ZNF410: variants seen among roughly 807,000 people sequenced by gnomAD.
ZNF410 encodes another partner for ARF 1.
Under a neutral mutation model 54.8 loss-of-function variants are expected in ZNF410, and 18 were observed. That is an observed-to-expected ratio of 0.33 (90% CI 0.23 to 0.49). The LOEUF (loss-of-function observed/expected upper bound fraction) is 0.49. Among genes scored for constraint, ZNF410 ranks in the 20% least tolerant of loss-of-function variants. ZNF410 has a pLI of 0.99. For synonymous variants in ZNF410, 191 were observed against 207.3 expected, an observed-to-expected ratio of 0.92 and a Z score of 0.68; for missense variants, 405 against 569.6, an observed-to-expected ratio of 0.71 and a Z score of 2.94.
At chr14:73,926,080 T>G (rs1454525897) in intron 11 of ZNF410, among the ~76,000 whole-genome samples, 1 of 152,144 alleles carries the variant, frequency 6.6e-6, no homozygotes, top group East Asian at 1.9e-4. Flanking sequence ...GTTTTATCTC[T>G]TTCCTCCTTT....
intron 11 of ZNF410, chr14:73,924,786 C>T: frequency 2.5e-6 from 1 of 397,410 alleles, no homozygotes. Context: ...AAGCGATTCT[C>T]CTGCCTCAGC....
chr14:73,894,507 C>T (rs138664822), intron 3 of ZNF410: 34,649 of 671,362 alleles, frequency 0.052, 1,260 homozygotes, highest in African/African-American at 0.11. Flanking sequence ...CTGCAACCTC[C>T]GCCTCCCCTC....
intron 11 of ZNF410, chr14:73,924,603 C>G: frequency 2.4e-6 from 1 of 410,546 alleles, no homozygotes; most frequent in South Asian, 1.8e-5. Context: ...AAACTTTTGT[C>G]AAAACCTCTG....
intron 5 of ZNF410, among the ~76,000 whole-genome samples, chr14:73,900,839 T>C (rs1256550454): frequency 6.6e-6 from 1 of 152,206 alleles, no homozygotes; most frequent in Non-Finnish European, 1.5e-5. Context: ...GATTTTTTTG[T>C]TTGTTTGCTT....
chr14:73,908,011 TG>T (rs2140309456), intron 7 of ZNF410, among the ~76,000 whole-genome samples: 1 of 152,356 alleles, frequency 6.6e-6, no homozygotes, highest in Non-Finnish European at 1.5e-5. Flanking sequence ...AACACTCTTT[TG>T]AAATTGTATT....
At chr14:73,896,702 T>A in intron 4 of ZNF410, 168 bp downstream of exon 4, 4 of 607,028 alleles carry the variant, frequency 6.6e-6, no homozygotes, top group Non-Finnish European at 1.1e-5. Flanking sequence ...GAGGGAGGAC[T>A]CTAGTATGAC....
chr14:73,900,120 G>C (rs1338235411), intron 5 of ZNF410, among the ~76,000 whole-genome samples: 1 of 151,308 alleles, frequency 6.6e-6, no homozygotes, highest in Non-Finnish European at 1.5e-5. Context: ...TTGAACCCGG[G>C]AGGTGGAGGT....
At chr14:73,912,397 C>T (rs1383252553) in intron 8 of ZNF410, among the ~76,000 whole-genome samples, 2 of 151,900 alleles carry the variant, frequency 1.3e-5, no homozygotes, top group East Asian at 1.9e-4. Flanking sequence ...GAACTCCTGA[C>T]CTCAAGTGCT....
At chr14:73,900,556 T>C (rs1180173632) in intron 5 of ZNF410, among the ~76,000 whole-genome samples, 2 of 151,952 alleles carry the variant, frequency 1.3e-5, no homozygotes, top group Admixed American at 1.3e-4. Context: ...GTATTTCTAG[T>C]AGACACAGGG....
rs376397352 is a variant in ZNF410 at position 73,909,380 on chromosome 14, G to A, written c.953G>A (p.Arg318His). ...CTTTGTGAAGCCCAAGGATGTGGCCGTTCCTTTGCTGAGTATTCTAGCCTC... is the reference window on the plus strand; with the variant it reads ...CTTTGTGAAGCCCAAGGATGTGGCCATTCCTTTGCTGAGTATTCTAGCCTC... ...PFLCEAQGCG[R>H]SFAEYSSLRK... Residue 318 changes from arginine to histidine, a missense_variant, in exon 8 of 12, where the codon CGT (arginine) becomes CAT (histidine). Around this residue, in one of 3 missense-constraint regions of ZNF410, gnomAD observed 31 missense variants for 85.5 expected, o/e 0.36. Coordinates refer to ENST00000555044, the MANE Select transcript of ZNF410 (RefSeq NM_021188.3). The A allele has an allele frequency of 3.1e-6, 5 of 1,613,930 alleles. No individual in the cohort carries two copies. The highest frequency in any genetic ancestry group is 4.2e-6 in the Non-Finnish European group (5 of 1,179,986).
chr14:73,893,895 G>C lies in ZNF410; in HGVS notation c.132G>C (p.Val44=), dbSNP rs374745875. 2.5e-6 allele frequency: 4 copies of C among 1,613,832 alleles called. No individual in the cohort carries two copies. In the African/African-American group the frequency reaches 5.3e-5, roughly 22 times the overall value. Residue 44 remains valine, a synonymous_variant, in exon 3 of 12, where the codon GTG becomes GTC. Coordinates refer to ENST00000555044, the MANE Select transcript of ZNF410 (RefSeq NM_021188.3). The part of the protein sequence containing the change: ...KDITCLSLLP[V]TEASECSRLM... ...TTACTTGCTTGTCCCTCCTTCCCGTGACTGAAGCCTCAGAATGCAGTCGGC... is the reference window on the plus strand; with the variant it reads ...TTACTTGCTTGTCCCTCCTTCCCGTCACTGAAGCCTCAGAATGCAGTCGGC...
At chr14:73,926,484 A>G (rs1471557685) in intron 11 of ZNF410, among the ~76,000 whole-genome samples, 1 of 152,018 alleles carries the variant, frequency 6.6e-6, no homozygotes, top group African/African-American at 2.4e-5. Flanking sequence ...CCAGGTCAAG[A>G]GTGCAGTGGC....
At chr14:73,909,468 G>A in intron 8 of ZNF410, 38 bp downstream of exon 8, 1 of 1,559,776 alleles carries the variant, frequency 6.4e-7, no homozygotes, top group Non-Finnish European at 8.8e-7. Context: ...TTTAGGAAAA[G>A]TAGACAAAAG....
intron 11 of ZNF410, among the ~76,000 whole-genome samples, chr14:73,926,434 GTTTTT>G (rs1255947875): frequency 6.7e-6 from 1 of 150,206 alleles, no homozygotes; most frequent in African/African-American, 2.4e-5. Context: ...GTTTTGTTTT[GTTTTT>G]GTTTTTGTTT....
At chr14:73,922,361 C>A in intron 10 of ZNF410, 155 bp downstream of exon 10, 1 of 756,502 alleles carries the variant, frequency 1.3e-6, no homozygotes, top group Admixed American at 3.9e-5. Context: ...GTGGATTAGT[C>A]AATCTGTTTA....
At chr14:73,912,314 C>A (rs564103930) in intron 8 of ZNF410, among the ~76,000 whole-genome samples, 1 of 151,962 alleles carries the variant, frequency 6.6e-6, no homozygotes, top group Non-Finnish European at 1.5e-5. Flanking sequence ...GTATTACAGG[C>A]GCGTGCCACC....
intron 11 of ZNF410, 108 bp from the exon 12 acceptor site, chr14:73,931,395 C>G: frequency 1.1e-6 from 1 of 922,686 alleles, no homozygotes; most frequent in Non-Finnish European, 1.7e-6. Flanking sequence ...CCTTCATTCA[C>G]CCCTGTAGTG....
At chr14:73,907,730 A>G (rs2055512556) in intron 7 of ZNF410, among the ~76,000 whole-genome samples, 1 of 151,812 alleles carries the variant, frequency 6.6e-6, no homozygotes, top group African/African-American at 2.4e-5. Context: ...CATCTCTACT[A>G]AAAATACAAA....
At position 73,898,129 on chromosome 14, in the gene ZNF410, G is replaced by C; in HGVS notation, c.447G>C (p.Gly149=). The change falls in exon 5 of 12, where the codon GGG becomes GGC. Residue 149 remains glycine (G), a synonymous_variant. Coordinates refer to ENST00000555044, the MANE Select transcript of ZNF410 (RefSeq NM_021188.3). ...TACAGGATGAGGCAGAAGATTCAGGGAATGATTTCCTCTCCAGTGAGAGCA... is the reference window on the plus strand; with the variant it reads ...TACAGGATGAGGCAGAAGATTCAGGCAATGATTTCCTCTCCAGTGAGAGCA... ...VFVQDEAEDS[G]NDFLSSESTD... is the part of the protein sequence containing the mutation. 1 of 1,614,148 alleles carries C rather than the reference G, an allele frequency of 6.2e-7. No individual in the cohort carries two copies. The highest frequency in any genetic ancestry group is 8.5e-7 in the Non-Finnish European group (1 of 1,180,024).
Sources: gnomAD v4.1 joint callset for allele counts (sites outside exome capture counted in the v4.1 genomes callset) on GRCh38, gnomAD v4.1.1 for gene constraint, gnomAD v4.1.1 regional missense constraint, MANE v1.5 for transcripts, NCBI Gene and HGNC (gene_info 2026-07-23, HGNC 2026-07-21) for gene names.